Variants in PLEKHM2 observed in about 807,000 individuals in gnomAD.
PLEKHM2 encodes pleckstrin homology and RUN domain containing M2, also known as pleckstrin homology domain-containing family M member 2.
PLEKHM2 carries 77 observed loss-of-function variants against 116.3 expected under a neutral mutation model. That is an observed-to-expected ratio of 0.66 (90% CI 0.55 to 0.80). PLEKHM2 has a LOEUF of 0.80. Among genes scored for constraint, PLEKHM2 ranks in the 30% least tolerant of loss-of-function variants. The pLI, the probability that PLEKHM2 is intolerant of heterozygous loss-of-function variation, is 0.00. For synonymous variants in PLEKHM2, 562 were observed against 571.0 expected (o/e 0.98, Z 0.22); for missense variants, 1,183 against 1,354.9 (o/e 0.87, Z 1.99).
chr1:15,728,958 C>T lies in PLEKHM2; in HGVS notation c.1987-144C>T, dbSNP rs575603293. 5 of 820,176 alleles carry T rather than the reference C, an allele frequency of 6.1e-6. No individual in the cohort carries two copies. Among genetic ancestry groups the T allele is most frequent in the East Asian group, 2.7e-5 (1 of 37,372 alleles). 50.8% of individuals were successfully genotyped at this position (820,176 alleles called of 1,614,324 possible). ...CTGACCGTCCCTCCCTCACTCATGC[C>T]AGCCCCTGGCCTCTGGGGCTTTACT... On this transcript the variant is annotated intron_variant, in intron 12 of 19. Coordinates refer to ENST00000375799, the MANE Select transcript of PLEKHM2 (RefSeq NM_015164.4). This position sits in a 1 kb window ranked among gnomAD's most constrained non-coding sequence, Gnocchi z 5.9.
At chr1:15,684,697 G>GGCGACCCTGCTGCCGAGGGACTC in intron 1 of PLEKHM2, 79 bp downstream of exon 1, 1 of 795,234 alleles carries the variant, frequency 1.3e-6, no homozygotes, top group Non-Finnish European at 1.7e-6. Flanking sequence ...CTCCCGGGCC[G>GGCGACCCTGCTGCCGAGGGACTC]GGGCCCCCCG....
chr1:15,687,626 C>A (rs1400232704), intron 1 of PLEKHM2, among the ~76,000 whole-genome samples: 1 of 152,192 alleles, frequency 6.6e-6, no homozygotes, highest in African/African-American at 2.4e-5. Context: ...TTCTTGGTAG[C>A]CACTTCCTTT....
upstream of PLEKHM2, among the ~76,000 whole-genome samples, chr1:15,681,750 A>C (rs1640648552): frequency 6.6e-6 from 1 of 152,206 alleles, no homozygotes; most frequent in Admixed American, 6.5e-5. Context: ...TTATTTCCTC[A>C]TTCAAAGTAA....
intron 8 of PLEKHM2, among the ~76,000 whole-genome samples, chr1:15,726,076 G>A (rs2068060802): frequency 1.3e-5 from 2 of 152,324 alleles, no homozygotes; most frequent in East Asian, 3.9e-4. Flanking sequence ...CTTGGAAGCA[G>A]GTGGCACAGG....
At chr1:15,701,086 C>T (rs1641099579) in intron 1 of PLEKHM2, among the ~76,000 whole-genome samples, 1 of 125,614 alleles carries the variant, frequency 8.0e-6, no homozygotes, top group African/African-American at 3.3e-5. Context: ...GCAATCCAGC[C>T]TGGGCAACAA....
chr1:15,731,877 C>T lies in PLEKHM2; in HGVS notation c.2466-12C>T, dbSNP rs759075784. 1.2e-6 allele frequency: 2 copies of T among 1,608,124 alleles called. No individual in the cohort carries two copies. The highest frequency in any genetic ancestry group is 8.5e-7 in the Non-Finnish European group (1 of 1,177,604). ...CTCCTCGCTCCCGTTTCACCCTCCT[C>T]CTCTGGCCCAGGGGGGAGCAGTGCG... is the stretch of plus-strand genomic sequence containing the variant. On this transcript the variant is annotated splice_polypyrimidine_tract_variant and intron_variant, in intron 16 of 19. Coordinates refer to ENST00000375799, the MANE Select transcript of PLEKHM2 (RefSeq NM_015164.4).
Position 15,728,607 on chromosome 1 carries a change from TG to T in PLEKHM2, c.1922-58del. ...AGAGAGGGGGCTGTGTCTAAGAAAA[TG>T]GGGCAGGGGGAGGGAAAAGAGGCCT... On this transcript the variant is annotated intron_variant, in intron 11 of 19. Transcript: ENST00000375799. This position sits in a 1 kb window ranked among gnomAD's most constrained non-coding sequence, Gnocchi z 5.9. 7.0e-7 allele frequency: 1 copy of T among 1,432,782 alleles called. No individual in the cohort carries two copies. The highest frequency in any genetic ancestry group is 9.7e-7 in the Non-Finnish European group (1 of 1,034,440). 88.8% of individuals were successfully genotyped at this position (1,432,782 alleles called of 1,614,324 possible).
At chr1:15,695,544 G>T (rs890893262) in intron 1 of PLEKHM2, among the ~76,000 whole-genome samples, 1 of 152,006 alleles carries the variant, frequency 6.6e-6, no homozygotes, top group Non-Finnish European at 1.5e-5. Flanking sequence ...ACAGAGTTTC[G>T]CTCTTTCACC....
rs142928865 is a variant in PLEKHM2, at chr1:15,721,292, T to G, written c.653-37T>G. ...CCTCCAGTCATCCTTCCACTGCCTG[T>G]GTTTCTAATCTTCAGTTTTGTCCCT... On this transcript the variant is annotated intron_variant, in intron 6 of 19. Coordinates refer to ENST00000375799, the MANE Select transcript of PLEKHM2 (RefSeq NM_015164.4). The surrounding 1 kb of genome is among the most constrained non-coding windows in gnomAD (Gnocchi z 5.1). 3 of 1,265,660 alleles carry G rather than the reference T, an allele frequency of 2.4e-6. No homozygotes were observed. The highest frequency in any genetic ancestry group is 1.3e-5 in the South Asian group (1 of 78,038). 78.4% of individuals were successfully genotyped at this position (1,265,660 alleles called of 1,614,324 possible). A position where few individuals can be genotyped will look rare whatever the true frequency, so the allele number is the denominator to read the frequency against.
intron 8 of PLEKHM2, chr1:15,725,924 G>A: frequency 4.1e-6 from 1 of 244,342 alleles, no homozygotes; most frequent in South Asian, 5.8e-5. Flanking sequence ...CCTTTTATGA[G>A]GGTGCTGATC....
In PLEKHM2 at chr1:15,729,169, C is replaced by A; in HGVS notation, c.2054C>A (p.Thr685Lys). 1 of 1,611,354 alleles carries A rather than the reference C, an allele frequency of 6.2e-7. No individual in the cohort carries two copies. The highest frequency in any genetic ancestry group is 8.5e-7 in the Non-Finnish European group (1 of 1,178,818). Reference protein sequence around the residue: ...TNRRKQFLLDTADVALAEFFL... With the variant: ...TNRRKQFLLDKADVALAEFFL... Reference sequence around the variant, plus strand: ...CGCAGGAAGCAGTTTCTGCTGGACACGGCTGATGTGGCGCTGGCTGAGTGA... The same window carrying A: ...CGCAGGAAGCAGTTTCTGCTGGACAAGGCTGATGTGGCGCTGGCTGAGTGA... Residue 685 changes from threonine to lysine, a missense_variant, in exon 13 of 20, where the codon ACG (threonine) becomes AAG (lysine). Around this residue, in one of 3 missense-constraint regions of PLEKHM2, gnomAD observed 594 missense variants for 720.1 expected, o/e 0.82. Coordinates refer to ENST00000375799, the MANE Select transcript of PLEKHM2 (RefSeq NM_015164.4). The surrounding 1 kb of genome is among the most constrained non-coding windows in gnomAD (Gnocchi z 4.7).
chr1:15,692,387 T>C (rs181193474), intron 1 of PLEKHM2, among the ~76,000 whole-genome samples: 232 of 152,216 alleles, frequency 1.5e-3, no homozygotes, highest in African/African-American at 5.4e-3. Flanking sequence ...CTTCCTCCTT[T>C]TCCTAAATTC....
chr1:15,700,729 G>A (rs936686832), intron 1 of PLEKHM2, among the ~76,000 whole-genome samples: 8 of 152,184 alleles, frequency 5.3e-5, no homozygotes, highest in Non-Finnish European at 1.2e-4. Context: ...CTCAGCCCTG[G>A]CCAGCACCCA....
intron 1 of PLEKHM2, among the ~76,000 whole-genome samples, chr1:15,707,285 TAGCC>T (rs1641245431): frequency 6.7e-6 from 1 of 148,992 alleles, no homozygotes; most frequent in Non-Finnish European, 1.5e-5. Flanking sequence ...AAAAAAAAAT[TAGCC>T]AGGTGTGGTG....
chr1:15,705,033 C>T (rs1016762728), intron 1 of PLEKHM2, among the ~76,000 whole-genome samples: 10 of 152,070 alleles, frequency 6.6e-5, no homozygotes, highest in South Asian at 2.1e-4. Flanking sequence ...CCTGGTCTAA[C>T]GCAGCCCTGG....
At chr1:15,711,609 T>A in intron 1 of PLEKHM2, among the ~76,000 whole-genome samples, 1 of 146,104 alleles carries the variant, frequency 6.8e-6, no homozygotes. Context: ...AGAGCGAGGC[T>A]CCATCTCAAA....
At chr1:15,722,112 C>T (rs578040383) in intron 7 of PLEKHM2, among the ~76,000 whole-genome samples, 1 of 152,314 alleles carries the variant, frequency 6.6e-6, no homozygotes, top group Admixed American at 6.5e-5. Context: ...AAATCTGAGG[C>T]CATAGCAGAT....
chr1:15,724,388 C>T (rs2068034062), intron 7 of PLEKHM2, among the ~76,000 whole-genome samples: 1 of 151,798 alleles, frequency 6.6e-6, no homozygotes, highest in Admixed American at 6.6e-5. Flanking sequence ...GAGGCTAAGG[C>T]AGGAGAATCA....
rs1013712226 is a variant in PLEKHM2, at chr1:15,713,618, TTTTG to T, written c.61-2603_61-2600del. 2.2e-4 allele frequency among the ~76,000 whole-genome samples: 33 copies of T among 147,416 alleles called. No individual in the cohort carries two copies. In the South Asian group the frequency reaches 2.7e-3, roughly 12 times the overall value. The stretch of plus-strand genomic sequence containing the variant: ...TCAAGAGAATGAATAATATTCTGTT[TTTTG>T]TTTGTTTGTTTGTTTTTTGTTTTTT... On this transcript the variant is annotated intron_variant, in intron 1 of 19. Coordinates refer to ENST00000375799, the MANE Select transcript of PLEKHM2 (RefSeq NM_015164.4).
Sources: gnomAD v4.1 joint callset for allele counts (sites outside exome capture counted in the v4.1 genomes callset) on GRCh38, gnomAD v4.1.1 for gene constraint, gnomAD v4.1.1 regional missense constraint, Gnocchi (gnomAD v3.1) non-coding constraint, MANE v1.5 for transcripts, NCBI Gene and HGNC (gene_info 2026-07-23, HGNC 2026-07-21) for gene names.